KLF8: variants seen among roughly 807,000 people sequenced by gnomAD.
KLF8 encodes the protein KLF transcription factor 8.
KLF8 carries 10 observed loss-of-function variants against 18.2 expected under a neutral mutation model. The observed-to-expected ratio is 0.55, with a 90% CI of 0.34 to 0.93. The LOEUF (loss-of-function observed/expected upper bound fraction) is 0.93, where lower values mean the gene tolerates loss of function less well. Ranked by LOEUF, KLF8 falls within the 40% of genes least tolerant of loss-of-function variation. KLF8 has a pLI of 0.02. For missense variants in KLF8, 264 were observed against 277.9 expected (o/e 0.95, Z 0.36); for synonymous variants, 109 against 97.3 (o/e 1.12, Z -0.71).
chrX:56,255,148 T>A (rs1432065657), intron 2 of KLF8, among the ~76,000 whole-genome samples: 2 of 112,776 alleles, frequency 1.8e-5, no homozygotes, highest in Non-Finnish European at 3.7e-5. Flanking sequence ...TTTGGTTAAT[T>A]TGTAGGTATT....
chrX:56,010,243 A>G, the KLF8 span, among the ~76,000 whole-genome samples: 4 of 112,059 alleles, frequency 3.6e-5, no homozygotes, highest in Non-Finnish European at 7.5e-5. Context: ...ATGGAAGCCC[A>G]TCAGATTAAA....
chrX:55,978,287 A>G, the KLF8 span, among the ~76,000 whole-genome samples: 1 of 111,450 alleles, frequency 9.0e-6, no homozygotes, highest in Non-Finnish European at 1.9e-5. Flanking sequence ...TCTCACCACT[A>G]TGGTTTCTAG....
the KLF8 span, among the ~76,000 whole-genome samples, chrX:55,944,545 C>G: frequency 1.8e-5 from 2 of 111,596 alleles, no homozygotes; most frequent in Non-Finnish European, 3.8e-5. Context: ...CAACTTCTTC[C>G]TGGTTTAGTC....
the KLF8 span, among the ~76,000 whole-genome samples, chrX:56,173,581 G>T: frequency 1.8e-5 from 2 of 111,779 alleles, no homozygotes; most frequent in African/African-American, 6.5e-5. Flanking sequence ...AGGCAATGCG[G>T]GCTCTTTTTT....
At chrX:55,970,123 A>T in the KLF8 span, among the ~76,000 whole-genome samples, 2 of 111,447 alleles carry the variant, frequency 1.8e-5, no homozygotes, top group African/African-American at 6.5e-5. Context: ...AAAACACATT[A>T]AAAAAACTCC....
the KLF8 span, chrX:56,074,726 C>A: frequency 6.1e-6 from 1 of 163,528 alleles, no homozygotes; most frequent in Non-Finnish European, 1.2e-5. Context: ...AAATATGAAT[C>A]TTCCAACTTT....
At chrX:56,281,022 G>A (rs1036697537) in intron 5 of KLF8, among the ~76,000 whole-genome samples, 4 of 111,667 alleles carry the variant, frequency 3.6e-5, no homozygotes, top group African/African-American at 1.3e-4. Context: ...CTAACTTTTA[G>A]ACTAACTTTT....
At chrX:56,105,232 A>T in the KLF8 span, among the ~76,000 whole-genome samples, 1 of 111,527 alleles carries the variant, frequency 9.0e-6, no homozygotes, top group East Asian at 2.8e-4. Flanking sequence ...TATTAGGTCC[A>T]CTTGGTGCAG....
At chrX:56,000,801 C>CT in the KLF8 span, among the ~76,000 whole-genome samples, 5 of 109,971 alleles carry the variant, frequency 4.5e-5, no homozygotes, top group Admixed American at 9.7e-5. Context: ...ATTCATTTTA[C>CT]TTTTTTTTTG....
the KLF8 span, among the ~76,000 whole-genome samples, chrX:56,024,942 C>T: frequency 8.9e-6 from 1 of 112,067 alleles, no homozygotes; most frequent in Admixed American, 9.4e-5. Context: ...CTCACCTTGG[C>T]CTCCCAAAGT....
the KLF8 span, among the ~76,000 whole-genome samples, chrX:56,024,435 T>G: frequency 2.7e-5 from 3 of 111,478 alleles, no homozygotes; most frequent in Non-Finnish European, 5.6e-5. Flanking sequence ...CTGGAACTCC[T>G]GGCCTCAAGT....
chrX:56,264,339 T>TAATA (rs751081982), intron 2 of KLF8, among the ~76,000 whole-genome samples: 229 of 105,249 alleles, frequency 2.2e-3, no homozygotes, highest in African/African-American at 7.5e-3. Context: ...TTTTTTAAAC[T>TAATA]AATGTATTTA....
chrX:56,104,842 G>C, the KLF8 span, among the ~76,000 whole-genome samples: 1 of 111,499 alleles, frequency 9.0e-6, no homozygotes, highest in South Asian at 3.8e-4. Flanking sequence ...GCTTTCCCTT[G>C]TGGGCATTTA....
intron 1 of KLF8, among the ~76,000 whole-genome samples, chrX:56,245,016 A>T (rs1246140125): frequency 8.9e-6 from 1 of 112,341 alleles, no homozygotes; most frequent in Non-Finnish European, 1.9e-5. Flanking sequence ...CTAAAGTTTC[A>T]GTTCTGATTC....
chrX:56,058,227 T>TAA, the KLF8 span, among the ~76,000 whole-genome samples: 1 of 25,817 alleles, frequency 3.9e-5, no homozygotes, highest in African/African-American at 9.4e-5. Context: ...CGTGTATATA[T>TAA]ATATACACAC....
At chrX:56,064,244 TCTC>T in the KLF8 span, among the ~76,000 whole-genome samples, 2 of 109,051 alleles carry the variant, frequency 1.8e-5, no homozygotes, top group Non-Finnish European at 3.8e-5. Context: ...GGTATTATAT[TCTC>T]CTGCTGAATT....
At chrX:56,119,932 A>G in the KLF8 span, among the ~76,000 whole-genome samples, 1 of 109,010 alleles carries the variant, frequency 9.2e-6, no homozygotes, top group Non-Finnish European at 1.9e-5. Context: ...TTGGAAGTCC[A>G]CGTAGTTGAT....
the KLF8 span, among the ~76,000 whole-genome samples, chrX:55,951,564 A>G: frequency 9.1e-6 from 1 of 110,194 alleles, no homozygotes; most frequent in African/African-American, 3.3e-5. Flanking sequence ...GGAGAGAGAA[A>G]GAATGAGGAG....
the KLF8 span, among the ~76,000 whole-genome samples, chrX:55,947,871 T>C: frequency 8.9e-6 from 1 of 112,366 alleles, no homozygotes; most frequent in Non-Finnish European, 1.9e-5. Context: ...TTAAGTGTAT[T>C]TAAATAGTTT....
Sources: gnomAD v4.1 joint callset for allele counts (sites outside exome capture counted in the v4.1 genomes callset) on GRCh38, gnomAD v4.1.1 for gene constraint, MANE v1.5 for transcripts, NCBI Gene and HGNC (gene_info 2026-07-23, HGNC 2026-07-21) for gene names.